Variants in ERP44 observed in about 807,000 individuals in gnomAD.
ERP44 encodes the protein endoplasmic reticulum protein 44, also known as endoplasmic reticulum resident protein 44.
In ERP44, 25 loss-of-function variants were observed where a neutral mutation model predicts 53.4. The ratio of observed to expected loss-of-function variants is 0.47; its 90% CI spans 0.34 to 0.65. ERP44 has a LOEUF of 0.65. ERP44 is among the 30% of genes least tolerant of loss of function. The pLI is 0.01. For missense variants in ERP44, 338 were observed against 493.2 expected, an observed-to-expected ratio of 0.69 and a Z score of 2.98; for synonymous variants, 145 against 161.2, an observed-to-expected ratio of 0.90 and a Z score of 0.76.
chr9:100,067,225 C>T (rs543736910), intron 1 of ERP44, among the ~76,000 whole-genome samples: 1 of 152,224 alleles, frequency 6.6e-6, no homozygotes. Flanking sequence ...TTTCCACAGT[C>T]TCCCTCTGAT....
chr9:100,034,269 T>C (rs1181802830), intron 4 of ERP44, among the ~76,000 whole-genome samples: 1 of 152,128 alleles, frequency 6.6e-6, no homozygotes, highest in Non-Finnish European at 1.5e-5. Flanking sequence ...ATTATGATAA[T>C]TATTAATATA....
chr9:100,025,484 T>C (rs1830641876), intron 4 of ERP44, among the ~76,000 whole-genome samples: 1 of 152,156 alleles, frequency 6.6e-6, no homozygotes, highest in African/African-American at 2.4e-5. Flanking sequence ...AACCAATTAA[T>C]GTACATCACA....
Position 100,020,630 on chromosome 9 carries a change from A to G in ERP44, c.573T>C (p.Phe191=), listed in dbSNP as rs1830577771. 1 of 1,593,180 alleles carries G rather than the reference A, an allele frequency of 6.3e-7. No homozygotes were observed. The change falls in exon 6 of 12, where the codon TTT becomes TTC. Residue 191 remains phenylalanine, a synonymous_variant. Transcript: ENST00000262455. ...AAGATACTTACCCAAATGCAGAAAG[A>G]AAGGCACAGTCATCATGCAAAATAT... ...VANILHDDCA[F]LSAFGDVSKP...
intron 6 of ERP44, 48 bp downstream of exon 6, chr9:100,020,568 C>T (rs751980399): frequency 4.3e-6 from 4 of 919,838 alleles, no homozygotes; most frequent in South Asian, 4.1e-5. Context: ...AGCAATTTAA[C>T]ATGGCAGCCA....
chr9:100,022,761 G>A (rs947571573), intron 4 of ERP44, among the ~76,000 whole-genome samples: 1 of 152,110 alleles, frequency 6.6e-6, no homozygotes, highest in African/African-American at 2.4e-5. Flanking sequence ...AGTCAAGGTT[G>A]TACTTTATTC....
intron 10 of ERP44, among the ~76,000 whole-genome samples, chr9:100,006,241 C>T (rs1564088185): frequency 6.6e-6 from 1 of 152,088 alleles, no homozygotes; most frequent in Non-Finnish European, 1.5e-5. Context: ...GAGATTGATT[C>T]CCAAGCATTA....
At chr9:100,048,959 T>A (rs886901525) in intron 4 of ERP44, among the ~76,000 whole-genome samples, 5 of 152,230 alleles carry the variant, frequency 3.3e-5, no homozygotes, top group African/African-American at 1.2e-4. Context: ...TGTGAATACA[T>A]TTAACAGTAT....
intron 4 of ERP44, among the ~76,000 whole-genome samples, chr9:100,038,728 G>A (rs1298243939): frequency 6.6e-6 from 1 of 151,080 alleles, no homozygotes; most frequent in Non-Finnish European, 1.5e-5. Flanking sequence ...AAAAAAACAA[G>A]ACCCAAAGAT....
chr9:100,071,876 A>C (rs1395311876), intron 1 of ERP44, among the ~76,000 whole-genome samples: 2 of 152,290 alleles, frequency 1.3e-5, no homozygotes, highest in East Asian at 3.9e-4. Context: ...AGCTGAGATC[A>C]CGCCATTGCA....
At chr9:100,032,900 C>T (rs1200776871) in intron 4 of ERP44, among the ~76,000 whole-genome samples, 1 of 152,212 alleles carries the variant, frequency 6.6e-6, no homozygotes, top group Admixed American at 6.5e-5. Flanking sequence ...TTAAGCAAGA[C>T]AGGTATTAAC....
intron 1 of ERP44, among the ~76,000 whole-genome samples, chr9:100,093,539 G>A (rs1826586462): frequency 6.6e-6 from 1 of 152,168 alleles, no homozygotes; most frequent in African/African-American, 2.4e-5. Context: ...AGCTACTTGG[G>A]AGGCTAAGGT....
intron 4 of ERP44, among the ~76,000 whole-genome samples, chr9:100,040,199 C>T (rs902383575): frequency 6.6e-6 from 1 of 152,136 alleles, no homozygotes; most frequent in Non-Finnish European, 1.5e-5. Context: ...GACACTAAAA[C>T]CGGACAAAGG....
At position 99,981,439 on chromosome 9, in the gene ERP44, T is replaced by A. The variant is rs953284182; in HGVS notation, c.*1173A>T. Reference sequence around the variant, plus strand: ...AATCTTTTCCCAAACTGGGATTGATTTATACCCAAGTATAAAATGACCCTT... The same window carrying A: ...AATCTTTTCCCAAACTGGGATTGATATATACCCAAGTATAAAATGACCCTT... On this transcript the variant is annotated 3_prime_UTR_variant, in exon 12 of 12. Transcript: ENST00000262455. The A allele has an allele frequency of 6.6e-6, 1 of 152,632 alleles. No individual in the cohort carries two copies. The highest frequency in any genetic ancestry group is 1.5e-5 in the Non-Finnish European group (1 of 68,046). 9.5% of individuals were successfully genotyped at this position (152,632 alleles called of 1,614,324 possible).
At chr9:100,095,500 T>G (rs1221382290) in intron 1 of ERP44, among the ~76,000 whole-genome samples, 1 of 152,148 alleles carries the variant, frequency 6.6e-6, no homozygotes, top group African/African-American at 2.4e-5. Context: ...ACCAGATATT[T>G]GATGATATGA....
At chr9:100,078,294 C>T (rs967143715) in intron 1 of ERP44, among the ~76,000 whole-genome samples, 2 of 151,542 alleles carry the variant, frequency 1.3e-5, no homozygotes, top group Non-Finnish European at 2.9e-5. Context: ...TCTCTCTCTA[C>T]CAAAAATACA....
intron 1 of ERP44, among the ~76,000 whole-genome samples, chr9:100,065,356 A>G (rs566286863): frequency 6.6e-6 from 1 of 152,300 alleles, no homozygotes; most frequent in African/African-American, 2.4e-5. Flanking sequence ...GTGTAAGTAT[A>G]TTCTATGACG....
chr9:100,088,853 C>T (rs1041220655), intron 1 of ERP44, among the ~76,000 whole-genome samples: 12 of 152,046 alleles, frequency 7.9e-5, no homozygotes, highest in African/African-American at 2.7e-4. Context: ...TATATTCAAG[C>T]GATCATTAAG....
At chr9:100,033,235 G>C (rs1411273992) in intron 4 of ERP44, among the ~76,000 whole-genome samples, 1 of 152,160 alleles carries the variant, frequency 6.6e-6, no homozygotes, top group African/African-American at 2.4e-5. Flanking sequence ...GCTTTGACTA[G>C]AATGGTGTGC....
intron 4 of ERP44, among the ~76,000 whole-genome samples, chr9:100,033,232 C>T (rs1165153460): frequency 1.3e-5 from 2 of 152,132 alleles, no homozygotes; most frequent in Non-Finnish European, 2.9e-5. Context: ...AAGGCTTTGA[C>T]TAGAATGGTG....
Sources: allele counts gnomAD v4.1 joint callset (sites outside exome capture counted in the v4.1 genomes callset), GRCh38; gene constraint gnomAD v4.1.1; transcripts MANE v1.5; gene names NCBI Gene and HGNC (gene_info 2026-07-23, HGNC 2026-07-21).